Variants in GLRX5 observed in about 807,000 individuals in gnomAD.
The protein encoded by GLRX5 is glutaredoxin-related protein 5, mitochondrial.
GLRX5 carries 10 observed loss-of-function variants against 13.8 expected under a neutral mutation model. The observed-to-expected ratio is 0.72, with a 90% confidence interval of 0.45 to 1.23. The LOEUF is 1.23. GLRX5 is among the 50% of genes most tolerant of loss of function. GLRX5 has a pLI of 0.00. For synonymous variants in GLRX5, 98 were observed against 101.1 expected, an observed-to-expected ratio of 0.97 and a Z score of 0.18; for missense variants, 233 against 215.2, an observed-to-expected ratio of 1.08 and a Z score of -0.52.
Position 95,544,338 on chromosome 14 carries a change from A to C in GLRX5, c.*213A>C. 1 of 595,454 alleles carries C rather than the reference A, an allele frequency of 1.7e-6. No individual in the cohort carries two copies. The highest frequency in any genetic ancestry group is 2.9e-5 in the Admixed American group (1 of 35,038). 36.9% of individuals were successfully genotyped at this position (595,454 alleles called of 1,614,324 possible). On this transcript the variant is annotated 3_prime_UTR_variant, in exon 2 of 2. Transcript: ENST00000331334. ...TAATTACAACCACTGCACTGTAATG[A>C]TTCAATGCTGTATTATGATATTGCT... is the stretch of plus-strand genomic sequence containing the variant.
At chr14:95,540,522 G>A (rs1891456905) in intron 1 of GLRX5, among the ~76,000 whole-genome samples, 1 of 152,238 alleles carries the variant, frequency 6.6e-6, no homozygotes, top group Non-Finnish European at 1.5e-5. Flanking sequence ...CCTTAAGCCT[G>A]TGCCTTGCCC....
At position 95,535,366 on chromosome 14, in the gene GLRX5, G is replaced by A. The variant is rs1190559373; in HGVS notation, c.277G>A (p.Asp93Asn). The change falls in exon 1 of 2, where the codon GAC becomes AAC. Residue 93 changes from aspartate to asparagine, a missense_variant. Asp to Asn is a conservative substitution (Grantham distance 23). Transcript: ENST00000331334. ...RDYAAYNVLD[D>N]PELRQGIKDY... ...TTACGCGGCCTACAACGTGCTGGAC[G>A]ACCCGGAGCTCCGACAAGGTCAGGC... 3 of 1,551,248 alleles carry A rather than the reference G, an allele frequency of 1.9e-6. No individual in the cohort carries two copies. Among genetic ancestry groups the A allele is most frequent in the African/African-American group, 1.4e-5 (1 of 73,340 alleles).
intron 1 of GLRX5, among the ~76,000 whole-genome samples, chr14:95,540,618 G>A (rs539177860): frequency 5.9e-5 from 9 of 152,206 alleles, no homozygotes; most frequent in African/African-American, 9.6e-5. Flanking sequence ...TCGACTTAAC[G>A]CCATTCTCTA....
intron 1 of GLRX5, among the ~76,000 whole-genome samples, chr14:95,537,442 CCT>C (rs1333004569): frequency 6.6e-6 from 1 of 152,166 alleles, no homozygotes; most frequent in Non-Finnish European, 1.5e-5. Flanking sequence ...ATATAACATA[CCT>C]CTTTTATTGA....
chr14:95,543,045 A>ATT (rs1491403994), intron 1 of GLRX5: 1 of 455,934 alleles, frequency 2.2e-6, no homozygotes, highest in African/African-American at 2.0e-5. Context: ...CCCTCATCTC[A>ATT]TGTGTGTCCT....
rs1374664985 is a variant in GLRX5, at chr14:95,535,102, C to G, written c.13C>G (p.Leu5Val). 2 of 1,315,746 alleles carry G rather than the reference C, an allele frequency of 1.5e-6. No homozygotes were observed. The highest frequency in any genetic ancestry group is 2.9e-5 in the Admixed American group (1 of 34,528). 81.5% of individuals were successfully genotyped at this position (1,315,746 alleles called of 1,614,324 possible). Residue 5 changes from leucine (L) to valine (V), a missense_variant, in exon 1 of 2, where the codon CTC (leucine) becomes GTC (valine). By Grantham distance (32) the Leu-to-Val change is conservative. Transcript: ENST00000331334. The stretch of plus-strand genomic sequence containing the variant: ...CTTGCGTGCGGAGATGAGCGGGTCC[C>G]TCGGCCGAGCTGCGGCGGCTCTGCT... MSGS[L>V]GRAAAALLRW...
At chr14:95,536,691 A>G (rs1006053998) in intron 1 of GLRX5, among the ~76,000 whole-genome samples, 10 of 152,252 alleles carry the variant, frequency 6.6e-5, no homozygotes, top group Non-Finnish European at 1.5e-4. Flanking sequence ...TTTACCTGGC[A>G]CAGAAAGCAC....
At chr14:95,539,803 T>C (rs565996430) in intron 1 of GLRX5, among the ~76,000 whole-genome samples, 5 of 152,358 alleles carry the variant, frequency 3.3e-5, no homozygotes, top group African/African-American at 1.2e-4. Flanking sequence ...CCTTGTCAGA[T>C]TTTTGTAAAG....
intron 1 of GLRX5, among the ~76,000 whole-genome samples, chr14:95,542,693 C>T (rs922748959): frequency 6.6e-6 from 1 of 151,932 alleles, no homozygotes; most frequent in Non-Finnish European, 1.5e-5. Context: ...TTGACTTTTC[C>T]GTTTTGTTTA....
chr14:95,539,897 ATT>A (rs35206535), intron 1 of GLRX5, among the ~76,000 whole-genome samples: 35 of 146,024 alleles, frequency 2.4e-4, no homozygotes, highest in Non-Finnish European at 2.8e-4. Flanking sequence ...ATATATATAT[ATT>A]TTTTTTTTTT....
chr14:95,537,726 C>G (rs1891404689), intron 1 of GLRX5, among the ~76,000 whole-genome samples: 1 of 152,242 alleles, frequency 6.6e-6, no homozygotes, highest in African/African-American at 2.4e-5. Flanking sequence ...CCAAGGAGAC[C>G]TGAACTTTAC....
At chr14:95,542,585 GATA>G (rs1274007746) in intron 1 of GLRX5, among the ~76,000 whole-genome samples, 3 of 152,218 alleles carry the variant, frequency 2.0e-5, no homozygotes, top group South Asian at 2.1e-4. Flanking sequence ...GAAAATGTTT[GATA>G]ATAAATTATA....
chr14:95,543,147 C>G (rs1377476193), intron 1 of GLRX5: 1 of 455,920 alleles, frequency 2.2e-6, no homozygotes, highest in Non-Finnish European at 4.4e-6. Flanking sequence ...TCTCACTCCC[C>G]CACCCCTCAG....
At chr14:95,537,993 A>G (rs1891408547) in intron 1 of GLRX5, among the ~76,000 whole-genome samples, 1 of 152,248 alleles carries the variant, frequency 6.6e-6, no homozygotes, top group Non-Finnish European at 1.5e-5. Context: ...AAAGGAACTT[A>G]TGCTCATGGA....
chr14:95,535,543 G>T (rs1891357440), intron 1 of GLRX5, among the ~76,000 whole-genome samples, 159 bp downstream of exon 1: 1 of 152,232 alleles, frequency 6.6e-6, no homozygotes, highest in Admixed American at 6.5e-5. Flanking sequence ...GTACTGCCCT[G>T]GAGTAGAGTC....
chr14:95,543,565 A>T (rs1376506964), intron 1 of GLRX5: 1 of 313,980 alleles, frequency 3.2e-6, no homozygotes, highest in Non-Finnish European at 6.2e-6. Context: ...GGCCTTATGT[A>T]TCTTATGTGA....
chr14:95,540,180 C>T (rs139666489), intron 1 of GLRX5, among the ~76,000 whole-genome samples: 5 of 152,276 alleles, frequency 3.3e-5, no homozygotes, highest in Admixed American at 1.3e-4. Flanking sequence ...TGTGAGCCAC[C>T]GCACCTGGCC....
intron 1 of GLRX5, among the ~76,000 whole-genome samples, chr14:95,540,479 A>C (rs1348342246): frequency 6.6e-6 from 1 of 152,220 alleles, no homozygotes; most frequent in Non-Finnish European, 1.5e-5. Flanking sequence ...GTCTGAGGCT[A>C]CATTTACAGG....
At position 95,541,736 on chromosome 14, in the gene GLRX5, T is replaced by C. The variant is rs141446114; in HGVS notation, c.296-2211T>C. Reference sequence around the variant, plus strand: ...CAATGAGGCAAGCCCAATGCTTCGATTGAGTGTGATACTATAAAAGTGATT... The same window carrying C: ...CAATGAGGCAAGCCCAATGCTTCGACTGAGTGTGATACTATAAAAGTGATT... On this transcript the variant is annotated intron_variant, in intron 1 of 1. Coordinates refer to ENST00000331334, the MANE Select transcript of GLRX5 (RefSeq NM_016417.3). Among the ~76,000 whole-genome samples, 8 of 152,334 alleles carry C rather than the reference T, an allele frequency of 5.3e-5. No individual in the cohort carries two copies. In the East Asian group the frequency reaches 1.3e-3, roughly 26 times the overall value.
Sources: allele counts gnomAD v4.1 joint callset (sites outside exome capture counted in the v4.1 genomes callset), GRCh38; gene constraint gnomAD v4.1.1; transcripts MANE v1.5; gene names NCBI Gene and HGNC (gene_info 2026-07-23, HGNC 2026-07-21).